Variants in USP7 observed in about 807,000 individuals in gnomAD.
USP7 encodes the protein ubiquitin C-terminal hydrolase 7.
Under a neutral mutation model 162.9 loss-of-function variants are expected in USP7, and 9 were observed. That is an observed-to-expected ratio of 0.06 (90% CI 0.03 to 0.10). The LOEUF (loss-of-function observed/expected upper bound fraction) is 0.10. Among genes scored for constraint, USP7 ranks in the 10% least tolerant of loss-of-function variants. USP7 has a pLI of 1.00. For missense variants in USP7, 715 were observed against 1,373.7 expected (o/e 0.52, Z 7.58); for synonymous variants, 562 against 475.9 (o/e 1.18, Z -2.35).
chr16:8,915,367 T>C, intron 9 of USP7, 23 bp from the exon 10 acceptor site: 5 of 1,612,922 alleles, frequency 3.1e-6, no homozygotes, highest in East Asian at 2.2e-5. Context: ...AAAGTAAAAG[T>C]GGTTTAACTA....
At chr16:8,895,592 G>T in intron 27 of USP7, 50 bp downstream of exon 27, 7 of 1,433,004 alleles carry the variant, frequency 4.9e-6, no homozygotes, top group Non-Finnish European at 6.8e-6. Flanking sequence ...ATATGCAGCA[G>T]ATGGGGCTCA....
At chr16:8,945,236 T>A (rs369427631) in intron 1 of USP7, among the ~76,000 whole-genome samples, 2 of 150,132 alleles carry the variant, frequency 1.3e-5, no homozygotes, top group Non-Finnish European at 3.0e-5. Flanking sequence ...AAAAAAAAAA[T>A]AGCCAGGTGT....
chr16:8,901,276 C>A, intron 18 of USP7, 42 bp from the exon 19 acceptor site: 3 of 1,317,084 alleles, frequency 2.3e-6, no homozygotes, highest in Non-Finnish European at 3.2e-6. Flanking sequence ...TCCAAACACT[C>A]AGCACAATGC....
chr16:8,961,697 G>A (rs1423047192), intron 1 of USP7, among the ~76,000 whole-genome samples: 1 of 152,108 alleles, frequency 6.6e-6, no homozygotes, highest in Non-Finnish European at 1.5e-5. Flanking sequence ...TCTTGACCGG[G>A]TACCATTTGA....
At chr16:8,952,262 T>C (rs1221927395) in intron 1 of USP7, among the ~76,000 whole-genome samples, 1 of 152,092 alleles carries the variant, frequency 6.6e-6, no homozygotes, top group East Asian at 1.9e-4. Flanking sequence ...AAAATATTAA[T>C]TAAAATTCAG....
intron 17 of USP7, 83 bp from the exon 18 acceptor site, chr16:8,902,270 A>G: frequency 6.3e-7 from 1 of 1,580,624 alleles, no homozygotes; most frequent in Non-Finnish European, 8.7e-7. Flanking sequence ...GTATTGAAGA[A>G]AACGTCCAAT....
chr16:8,963,179 C>A, intron 1 of USP7, 28 bp downstream of exon 1: 1 of 1,398,752 alleles, frequency 7.1e-7, no homozygotes, highest in Non-Finnish European at 9.4e-7. Context: ...GCCCCCCGGC[C>A]CCGCCGCGGC....
At position 8,926,311 on chromosome 16, in the gene USP7, C is replaced by T. The variant is rs138883007; in HGVS notation, c.185-2898G>A. 8.6e-3 allele frequency among the ~76,000 whole-genome samples: 1,304 copies of T among 152,096 alleles called. 21 individuals carry two copies. Among genetic ancestry groups the T allele is most frequent in the African/African-American group, 0.029 (1,192 of 41,498 alleles). On this transcript the variant is annotated intron_variant, in intron 2 of 30. Transcript: ENST00000344836. ...TGCCCAACATGGTGAAACCCCGTCT[C>T]TACTAAAAATAAAAAAAATTAGCTG... is the stretch of plus-strand genomic sequence containing the variant.
At chr16:8,925,529 T>C (rs563236171) in intron 2 of USP7, among the ~76,000 whole-genome samples, 1 of 152,200 alleles carries the variant, frequency 6.6e-6, no homozygotes, top group African/African-American at 2.4e-5. Flanking sequence ...TTTCACCCTA[T>C]ACATTAAATT....
Position 8,963,265 on chromosome 16 carries a change from C to T in USP7, c.21G>A (p.Gln7=). The T allele has an allele frequency of 1.5e-6, 2 of 1,361,536 alleles. No individual in the cohort carries two copies. Among genetic ancestry groups the T allele is most frequent in the Admixed American group, 2.6e-5 (1 of 38,208 alleles). 84.3% of individuals were successfully genotyped at this position (1,361,536 alleles called of 1,614,324 possible). The change falls in exon 1 of 31, where the codon CAG becomes CAA. Residue 7 remains glutamine, a synonymous_variant. Transcript: ENST00000344836. ...GCTGCTCGCCCGCTTTCTGCTGCTG[C>T]TGCTGCTGCTGGTGGTTCATGTCGG... MNHQQQ[Q]QQQKAGEQQL...
chr16:8,960,504 G>T (rs910542019), intron 1 of USP7, among the ~76,000 whole-genome samples: 3 of 152,314 alleles, frequency 2.0e-5, no homozygotes, highest in Non-Finnish European at 2.9e-5. Context: ...AAACGAAACA[G>T]TCTCCCAGGC....
intron 1 of USP7, among the ~76,000 whole-genome samples, chr16:8,937,180 G>C (rs369565721): frequency 8.6e-5 from 13 of 150,690 alleles, no homozygotes; most frequent in African/African-American, 3.2e-4. Context: ...GATCCCTTTA[G>C]CCTGGGCAAC....
intron 13 of USP7, 55 bp downstream of exon 13, chr16:8,906,371 A>G (rs950355400): frequency 8.2e-6 from 13 of 1,581,924 alleles, no homozygotes; most frequent in Non-Finnish European, 1.0e-5. Flanking sequence ...GCTGAAGCAG[A>G]GCTTGTGTTA....
chr16:8,936,602 G>GT, intron 1 of USP7: 1 of 1,556,316 alleles, frequency 6.4e-7, no homozygotes, highest in Non-Finnish European at 8.6e-7. Context: ...CAAGCCTGTG[G>GT]TTCCCAGCCA....
rs965590835 is a variant in USP7 at position 8,896,759 on chromosome 16, G to T, written c.2819+240C>A. 1.3e-5 allele frequency among the ~76,000 whole-genome samples: 2 copies of T among 152,158 alleles called. 1 individual carries two copies. The highest frequency in any genetic ancestry group is 3.9e-4 in the East Asian group (2 of 5,182). On this transcript the variant is annotated intron_variant, in intron 26 of 30. Transcript: ENST00000344836. Reference sequence around the variant, plus strand: ...AAAACGTGGCTTAATTGTGAAACACGCATAACCCTCTGCACCACAGCGGCT... The same window carrying T: ...AAAACGTGGCTTAATTGTGAAACACTCATAACCCTCTGCACCACAGCGGCT...
intron 22 of USP7, 163 bp downstream of exon 22, chr16:8,899,441 T>C (rs2061740816): frequency 1.0e-6 from 1 of 964,388 alleles, no homozygotes. Flanking sequence ...GCGATTATTC[T>C]AGCTCCCAAG....
chr16:8,913,630 C>T (rs2061984386), intron 10 of USP7, among the ~76,000 whole-genome samples: 1 of 152,056 alleles, frequency 6.6e-6, no homozygotes, highest in African/African-American at 2.4e-5. Flanking sequence ...AAAAACTCAT[C>T]TCAGCCGACC....
intron 10 of USP7, among the ~76,000 whole-genome samples, chr16:8,914,360 G>A (rs2061996578): frequency 6.6e-6 from 1 of 151,760 alleles, no homozygotes; most frequent in African/African-American, 2.4e-5. Flanking sequence ...TGGGAATCTC[G>A]CTAACTTGAT....
chr16:8,905,434 CCCTAGTTGAAAAAATAT>C, intron 13 of USP7, 103 bp from the exon 14 acceptor site: 1 of 1,414,512 alleles, frequency 7.1e-7, no homozygotes, highest in Non-Finnish European at 9.8e-7. Context: ...CTAGGTATGC[CCCTAGTTGAAAAAATAT>C]CCATGTGTGT....
Sources: gnomAD v4.1 joint callset for allele counts (sites outside exome capture counted in the v4.1 genomes callset) on GRCh38, gnomAD v4.1.1 for gene constraint, MANE v1.5 for transcripts, NCBI Gene and HGNC (gene_info 2026-07-23, HGNC 2026-07-21) for gene names.